GSTA1: variants seen among roughly 807,000 people sequenced by gnomAD.
GSTA1 encodes the protein glutathione S-transferase A1.
Under a neutral mutation model 21.5 loss-of-function variants are expected in GSTA1, and 23 were observed. The ratio of observed to expected loss-of-function variants is 1.07; its 90% confidence interval spans 0.77 to 1.52. The LOEUF is 1.52. Among genes scored for constraint, GSTA1 ranks in the 40% most tolerant of loss-of-function variants. GSTA1 has a pLI of 0.00. For synonymous variants in GSTA1, 125 were observed against 90.0 expected (o/e 1.39, Z -2.20); for missense variants, 301 against 264.2 (o/e 1.14, Z -0.96).
At chr6:52,795,543 A>G (rs1041777143) in intron 4 of GSTA1, among the ~76,000 whole-genome samples, 2 of 152,172 alleles carry the variant, frequency 1.3e-5, no homozygotes, top group African/African-American at 4.8e-5. Flanking sequence ...AGCTGCCAGC[A>G]GTTTCATTCA....
rs1368049053 is a variant in GSTA1, at chr6:52,799,290, C to T, written c.-23G>A. On this transcript the variant is annotated 5_prime_UTR_variant, in exon 2 of 7. Transcript: ENST00000334575. ...CATGATAGCAGTCTCCTGGAGGTTT[C>T]TCTAAGCCTGAATGAATGAATGAAT... 1 of 1,581,086 alleles carries T rather than the reference C, an allele frequency of 6.3e-7. No individual in the cohort carries two copies. The highest frequency in any genetic ancestry group is 2.2e-5 in the East Asian group (1 of 44,706).
chr6:52,794,112 C>A lies in GSTA1; in HGVS notation c.414+13G>T, dbSNP rs371002692. The A allele has an allele frequency of 6.2e-7, 1 of 1,613,398 alleles. No homozygotes were observed. Among genetic ancestry groups the A allele is most frequent in the African/African-American group, 1.3e-5 (1 of 74,902 alleles). ...AAACTCAGTTCCCCAAAACACTGAA[C>A]TGCTTCACTTACTTTTTCAAAGGCA... On this transcript the variant is annotated intron_variant, in intron 5 of 6. Transcript: ENST00000334575.
In GSTA1 at chr6:52,792,997, G is replaced by A; in HGVS notation, c.415-10C>T. 1.9e-6 allele frequency: 3 copies of A among 1,613,988 alleles called. No individual in the cohort carries two copies. Among genetic ancestry groups the A allele is most frequent in the Middle Eastern group, 1.7e-4 (1 of 6,060 alleles). On this transcript the variant is annotated splice_polypyrimidine_tract_variant and intron_variant, in intron 5 of 6. Transcript: ENST00000334575. ...CATGGCTCTTTAAGACCTGGAGAAT[G>A]GGAGGAATCAGATCAGGAACACATG...
At chr6:52,800,414 A>G (rs534677669) in intron 1 of GSTA1, among the ~76,000 whole-genome samples, 113 of 152,366 alleles carry the variant, frequency 7.4e-4, no homozygotes, top group African/African-American at 2.6e-3. Flanking sequence ...TTAAAAATAA[A>G]ATAGAAAAGA....
At chr6:52,801,623 T>A (rs1763719440) in intron 1 of GSTA1, among the ~76,000 whole-genome samples, 1 of 152,236 alleles carries the variant, frequency 6.6e-6, no homozygotes, top group Admixed American at 6.5e-5. Flanking sequence ...GCATATCACT[T>A]TCTCAATGTG....
At chr6:52,796,716 T>C (rs1444833426) in intron 3 of GSTA1, among the ~76,000 whole-genome samples, 3 of 150,730 alleles carry the variant, frequency 2.0e-5, no homozygotes, top group African/African-American at 2.4e-5. Context: ...CTAATTTTTG[T>C]ATTTTTACAA....
chr6:52,799,858 G>T (rs1763672358), intron 1 of GSTA1, among the ~76,000 whole-genome samples: 1 of 152,162 alleles, frequency 6.6e-6, no homozygotes, highest in South Asian at 2.1e-4. Flanking sequence ...CCCATGAACT[G>T]GCCATGAAAC....
chr6:52,794,285 C>G lies in GSTA1; in HGVS notation c.273-19G>C. 1 of 1,603,468 alleles carries G rather than the reference C, an allele frequency of 6.2e-7. No homozygotes were observed. Among genetic ancestry groups the G allele is most frequent in the Non-Finnish European group, 8.5e-7 (1 of 1,174,034 alleles). On this transcript the variant is annotated intron_variant, in intron 4 of 6. Coordinates refer to ENST00000334575, the MANE Select transcript of GSTA1 (RefSeq NM_145740.5). ...ATCAATCCTGAAAGACAGAAACAAC[C>G]AAATGGTCAAATACCTTTTGCCTTA...
At chr6:52,795,573 C>A (rs1317235504) in intron 4 of GSTA1, among the ~76,000 whole-genome samples, 1 of 152,158 alleles carries the variant, frequency 6.6e-6, no homozygotes, top group Non-Finnish European at 1.5e-5. Flanking sequence ...TGGAATCATG[C>A]AGTCTCATCA....
intron 6 of GSTA1, chr6:52,792,645 CTT>C: frequency 7.8e-7 from 1 of 1,281,538 alleles, no homozygotes; most frequent in Middle Eastern, 2.8e-4. Context: ...GCAAAATACT[CTT>C]TGTGGGGTAG....
In GSTA1 at chr6:52,792,915, G is replaced by C. The variant is rs369994040; in HGVS notation, c.487C>G (p.Leu163Val). ...TCAAGCTCCTCGACGTAGTAGAGAA[G>C]TTCCACCAGATGAATGTCAGCCCGG... ...LSRADIHLVE[L>V]LYYVEELDSS... Residue 163 changes from leucine to valine, a missense_variant, in exon 6 of 7, where the codon CTT (leucine) becomes GTT (valine). By Grantham distance (32) the Leu-to-Val change is conservative (BLOSUM62 1). Transcript: ENST00000334575. The C allele has an allele frequency of 3.1e-6, 5 of 1,614,118 alleles. No homozygotes were observed. Among genetic ancestry groups the C allele is most frequent in the Non-Finnish European group, 3.4e-6 (4 of 1,179,994 alleles).
chr6:52,794,626 C>T (rs1763535611), intron 4 of GSTA1, among the ~76,000 whole-genome samples: 1 of 152,182 alleles, frequency 6.6e-6, no homozygotes, highest in African/African-American at 2.4e-5. Flanking sequence ...TAGTGTGAGT[C>T]AAATGGCCAA....
chr6:52,794,269 G>A lies in GSTA1; in HGVS notation c.273-3C>T. 6.2e-7 allele frequency: 1 copy of A among 1,606,770 alleles called. No homozygotes were observed. Among genetic ancestry groups the A allele is most frequent in the South Asian group, 1.1e-5 (1 of 89,770 alleles). ...TACCTTCTATATACATATCAATCCTGAAAGACAGAAACAACCAAATGGTCA... is the reference window on the plus strand; with the variant it reads ...TACCTTCTATATACATATCAATCCTAAAAGACAGAAACAACCAAATGGTCA... On this transcript the variant is annotated splice_polypyrimidine_tract_variant and splice_region_variant and intron_variant, in intron 4 of 6. Coordinates refer to ENST00000334575, the MANE Select transcript of GSTA1 (RefSeq NM_145740.5).
Position 52,803,811 on chromosome 6 carries a change from C to T in GSTA1, c.-57G>A, listed in dbSNP as rs1763773123. 1 of 192,984 alleles carries T rather than the reference C, an allele frequency of 5.2e-6. No individual in the cohort carries two copies. The highest frequency in any genetic ancestry group is 2.3e-5 in the African/African-American group (1 of 43,170). The allele number at this position is 192,984 out of a possible 1,614,324, so 12.0% of individuals were successfully genotyped here. A position where few individuals can be genotyped will look rare whatever the true frequency, so the allele number is the denominator to read the frequency against. ...TTGTTAAACGCTGTCACCGTCCTGGCTCGACAACTGAATTCCAGGTCCTAA... is the reference window on the plus strand; with the variant it reads ...TTGTTAAACGCTGTCACCGTCCTGGTTCGACAACTGAATTCCAGGTCCTAA... On this transcript the variant is annotated 5_prime_UTR_variant, in exon 1 of 7. Coordinates refer to ENST00000334575, the MANE Select transcript of GSTA1 (RefSeq NM_145740.5).
At chr6:52,803,011 C>G (rs1327953297) in intron 1 of GSTA1, among the ~76,000 whole-genome samples, 1 of 152,118 alleles carries the variant, frequency 6.6e-6, no homozygotes, top group Non-Finnish European at 1.5e-5. Flanking sequence ...TCCCATGGTT[C>G]TCAACCAGGG....
Position 52,792,972 on chromosome 6 carries a change from C to A in GSTA1, c.430G>T (p.Gly144Ter). 1.2e-6 allele frequency: 2 copies of A among 1,614,092 alleles called. No homozygotes were observed. Among genetic ancestry groups the A allele is most frequent in the East Asian group, 4.5e-5 (2 of 44,870 alleles). The change falls in exon 6 of 7, where the codon GGA becomes TGA. Residue 144 changes from glycine (G) to a stop codon, truncating the protein, a stop_gained. Coordinates refer to ENST00000334575, the MANE Select transcript of GSTA1 (RefSeq NM_145740.5). LOFTEE classifies it high-confidence loss of function. ...PAFEKVLKSH[G>*]QDYLVGNKLS... The stretch of plus-strand genomic sequence containing the variant: ...TTGTTGCCAACAAGGTAGTCTTGTC[C>A]ATGGCTCTTTAAGACCTGGAGAATG...
chr6:52,796,100 C>G, intron 4 of GSTA1, 82 bp downstream of exon 4: 1 of 1,600,734 alleles, frequency 6.2e-7, no homozygotes, highest in Non-Finnish European at 8.5e-7. Flanking sequence ...TCATGATGCC[C>G]TGCCATCGTC....
intron 6 of GSTA1, 142 bp downstream of exon 6, chr6:52,792,714 G>T (rs1763485749): frequency 1.3e-6 from 2 of 1,592,578 alleles, no homozygotes; most frequent in Non-Finnish European, 8.6e-7. Context: ...CAAAATTGGA[G>T]CCTGGAAGCT....
chr6:52,800,789 T>C (rs1763697896), intron 1 of GSTA1, among the ~76,000 whole-genome samples: 1 of 152,362 alleles, frequency 6.6e-6, no homozygotes, highest in Admixed American at 6.5e-5. Context: ...CCCCCAGCTC[T>C]GATATTTAAC....
Sources: allele counts gnomAD v4.1 joint callset (sites outside exome capture counted in the v4.1 genomes callset), GRCh38; gene constraint gnomAD v4.1.1; transcripts MANE v1.5; gene names NCBI Gene and HGNC (gene_info 2026-07-23, HGNC 2026-07-21).